LAMA2: variants seen among roughly 807,000 people sequenced by gnomAD.
The protein encoded by LAMA2 is laminin subunit alpha 2, also known as laminin subunit alpha-2.
A neutral mutation model predicts 364.8 loss-of-function variants in LAMA2; 269 were observed. That is an observed-to-expected ratio of 0.74 (90% CI 0.67 to 0.82). The LOEUF (loss-of-function observed/expected upper bound fraction) is 0.82, where lower values mean the gene tolerates loss of function less well. Ranked by LOEUF, LAMA2 falls within the 40% of genes least tolerant of loss-of-function variation. LAMA2 has a pLI of 0.00. For missense variants in LAMA2, 3,807 were observed against 3,873.2 expected, an observed-to-expected ratio of 0.98 and a Z score of 0.45; for synonymous variants, 1,379 against 1,370.6, an observed-to-expected ratio of 1.01 and a Z score of -0.14.
intron 1 of LAMA2, among the ~76,000 whole-genome samples, chr6:129,022,438 A>G (rs745486559): frequency 6.6e-6 from 1 of 152,092 alleles, no homozygotes; most frequent in Non-Finnish European, 1.5e-5. Flanking sequence ...CCACTCATTT[A>G]CTCCGAAATT....
chr6:129,086,707 G>A (rs551989000), intron 3 of LAMA2, among the ~76,000 whole-genome samples: 3 of 152,268 alleles, frequency 2.0e-5, no homozygotes, highest in African/African-American at 7.2e-5. Flanking sequence ...GTTTTCTTTT[G>A]TTAACACAAC....
intron 1 of LAMA2, among the ~76,000 whole-genome samples, chr6:129,014,046 T>C (rs1431366141): frequency 1.3e-5 from 2 of 152,088 alleles, no homozygotes; most frequent in Non-Finnish European, 2.9e-5. Context: ...CAAGGATAGA[T>C]TCTAGATTTT....
rs1562581077 is a variant in LAMA2, at chr6:129,456,366, GC to G, written c.6742del (p.Leu2248TrpfsTer24). The G allele has an allele frequency of 6.2e-7, 1 of 1,613,616 alleles. No individual in the cohort carries two copies. Among genetic ancestry groups the G allele is most frequent in the Non-Finnish European group, 8.5e-7 (1 of 1,179,668 alleles). On this transcript the variant is annotated frameshift_variant, in exon 48 of 65. Transcript: ENST00000421865. LOFTEE classifies it high-confidence loss of function. ...GAGAAATGGAACTATTTCTGTGAGA[GC>G]CCTGGATGGACCCAAAGCCAGCATT... ...TGRNGTISVR[A>X]LDGPKASIVP... is the part of the protein sequence containing the mutation.
At chr6:129,446,324 T>C (rs1055937724) in intron 45 of LAMA2, among the ~76,000 whole-genome samples, 12 of 151,656 alleles carry the variant, frequency 7.9e-5, no homozygotes, top group Admixed American at 6.6e-4. Flanking sequence ...TTTTTACATT[T>C]ATTTTTTGTT....
At chr6:129,269,549 A>G (rs1787776887) in intron 16 of LAMA2, among the ~76,000 whole-genome samples, 1 of 152,204 alleles carries the variant, frequency 6.6e-6, no homozygotes, top group Non-Finnish European at 1.5e-5. Flanking sequence ...CAATTATGCA[A>G]GATTTTCAGT....
intron 29 of LAMA2, among the ~76,000 whole-genome samples, chr6:129,342,108 T>C (rs1459710903): frequency 6.6e-6 from 1 of 152,198 alleles, no homozygotes; most frequent in Non-Finnish European, 1.5e-5. Context: ...GCAACTCTTA[T>C]TGTCAGTGTA....
At chr6:129,421,402 C>G (rs1336066366) in intron 40 of LAMA2, among the ~76,000 whole-genome samples, 1 of 151,010 alleles carries the variant, frequency 6.6e-6, no homozygotes, top group African/African-American at 2.4e-5. Context: ...AAAAAAAAAC[C>G]TCTAAAAAGC....
intron 5 of LAMA2, among the ~76,000 whole-genome samples, chr6:129,145,211 T>C (rs1481825378): frequency 6.6e-6 from 1 of 152,008 alleles, no homozygotes; most frequent in Non-Finnish European, 1.5e-5. Flanking sequence ...GGGTTAATAG[T>C]TACAGATCCT....
chr6:129,429,084 C>G (rs1370023843), intron 41 of LAMA2, among the ~76,000 whole-genome samples: 1 of 152,170 alleles, frequency 6.6e-6, no homozygotes, highest in East Asian at 1.9e-4. Context: ...CTTCACCTCT[C>G]TTCTTTGCCT....
intron 1 of LAMA2, among the ~76,000 whole-genome samples, chr6:128,920,490 A>C (rs1251627777): frequency 3.9e-5 from 6 of 151,984 alleles, no homozygotes; most frequent in Non-Finnish European, 4.4e-5. Flanking sequence ...TCCAAGAAGC[A>C]CTTTCTGACC....
At chr6:129,428,079 G>A (rs908392791) in intron 41 of LAMA2, among the ~76,000 whole-genome samples, 3 of 152,092 alleles carry the variant, frequency 2.0e-5, no homozygotes, top group African/African-American at 4.8e-5. Context: ...TATTTCTATA[G>A]CATCACTTCA....
intron 42 of LAMA2, 96 bp from the exon 43 acceptor site, chr6:129,440,720 G>C: frequency 9.2e-7 from 1 of 1,084,402 alleles, no homozygotes; most frequent in South Asian, 1.3e-5. Flanking sequence ...AAATGTGTCC[G>C]AGGTCAGCCA....
At chr6:129,069,097 G>C (rs9482978) in intron 3 of LAMA2, among the ~76,000 whole-genome samples, 5 of 151,778 alleles carry the variant, frequency 3.3e-5, no homozygotes, top group Admixed American at 2.6e-4. Flanking sequence ...GAATAAATTA[G>C]ATGATTGTTT....
chr6:129,482,383 A>G (rs1039544234), intron 55 of LAMA2, among the ~76,000 whole-genome samples: 2 of 152,198 alleles, frequency 1.3e-5, no homozygotes, highest in African/African-American at 2.4e-5. Context: ...TTTAAGCATC[A>G]TACCTCTTAT....
At chr6:129,374,241 T>A (rs1324087500) in intron 34 of LAMA2, among the ~76,000 whole-genome samples, 2 of 152,218 alleles carry the variant, frequency 1.3e-5, no homozygotes, top group Non-Finnish European at 2.9e-5. Context: ...GGTTTCATTA[T>A]CCAAAATCAG....
chr6:129,347,465 C>T lies in LAMA2; in HGVS notation c.4437-1833C>T, dbSNP rs764635054. ...AGCACGTTAAGAGATCAAGGACATGCCATAGATCCAACAAAGGAAACTGAA... is the reference window on the plus strand; with the variant it reads ...AGCACGTTAAGAGATCAAGGACATGTCATAGATCCAACAAAGGAAACTGAA... On this transcript the variant is annotated intron_variant, in intron 30 of 64. Coordinates refer to ENST00000421865, the MANE Select transcript of LAMA2 (RefSeq NM_000426.4). Among the ~76,000 whole-genome samples, 3 of 152,150 alleles carry T rather than the reference C, an allele frequency of 2.0e-5. No homozygotes were observed. The East Asian group carries it at 5.8e-4, about 29-fold the overall frequency.
intron 14 of LAMA2, 37 bp downstream of exon 14, chr6:129,252,332 T>A: frequency 6.5e-7 from 1 of 1,534,712 alleles, no homozygotes; most frequent in Non-Finnish European, 9.0e-7. Context: ...GTTCACACAT[T>A]TACTTTGGGG....
chr6:129,506,907 T>C (rs1786128615), intron 61 of LAMA2, among the ~76,000 whole-genome samples: 1 of 152,112 alleles, frequency 6.6e-6, no homozygotes, highest in Non-Finnish European at 1.5e-5. Flanking sequence ...TAAAAACAGA[T>C]AAAATATAAT....
chr6:129,471,880 G>A (rs906923299), intron 51 of LAMA2, among the ~76,000 whole-genome samples: 1 of 151,750 alleles, frequency 6.6e-6, no homozygotes, highest in Non-Finnish European at 1.5e-5. Flanking sequence ...TTTTTAATAA[G>A]GCAATTGTGT....
Sources: gnomAD v4.1 joint callset for allele counts (sites outside exome capture counted in the v4.1 genomes callset) on GRCh38, gnomAD v4.1.1 for gene constraint, MANE v1.5 for transcripts, NCBI Gene and HGNC (gene_info 2026-07-23, HGNC 2026-07-21) for gene names.